The following RAD54B variants were observed in gnomAD, a reference collection of about 807,000 sequenced individuals.
RAD54B encodes DNA repair and recombination protein RAD54B.
Under a neutral mutation model 95.8 loss-of-function variants are expected in RAD54B, and 78 were observed. That is an observed-to-expected ratio of 0.81 (90% confidence interval 0.68 to 0.98). The LOEUF is 0.98. Among genes scored for constraint, RAD54B ranks in the 50% least tolerant of loss-of-function variants. The pLI is 0.00. For synonymous variants in RAD54B, 328 were observed against 354.9 expected, an observed-to-expected ratio of 0.92 and a Z score of 0.85; for missense variants, 957 against 1,056.6, an observed-to-expected ratio of 0.91 and a Z score of 1.31.
chr8:94,415,688 C>G (rs1335556686), intron 3 of RAD54B, among the ~76,000 whole-genome samples: 5 of 146,650 alleles, frequency 3.4e-5, no homozygotes. Context: ...ACAAACAACC[C>G]CATCAAAAAG....
At chr8:94,388,087 A>G in intron 10 of RAD54B, among the ~76,000 whole-genome samples, 1 of 152,220 alleles carries the variant, frequency 6.6e-6, no homozygotes, top group East Asian at 1.9e-4. Context: ...ATGGTTACAC[A>G]GTACATTTCA....
intron 3 of RAD54B, among the ~76,000 whole-genome samples, chr8:94,425,557 AGT>A (rs1811922329): frequency 6.6e-6 from 1 of 151,932 alleles, no homozygotes; most frequent in Admixed American, 6.6e-5. Context: ...AGATTGAAAC[AGT>A]TTTTATTACA....
intron 14 of RAD54B, among the ~76,000 whole-genome samples, chr8:94,377,158 A>T (rs1366443396): frequency 6.6e-6 from 1 of 152,186 alleles, no homozygotes; most frequent in Admixed American, 6.5e-5. Context: ...ATATGACCCC[A>T]TTATGAATAA....
intron 14 of RAD54B, among the ~76,000 whole-genome samples, chr8:94,374,650 A>G (rs1005153594): frequency 6.6e-6 from 1 of 152,164 alleles, no homozygotes; most frequent in South Asian, 2.1e-4. Flanking sequence ...ACAAAATGAA[A>G]GCAAAAGGCA....
At position 94,390,579 on chromosome 8, in the gene RAD54B, A is replaced by G. The variant is rs545148412; in HGVS notation, c.1809+1030T>C. ...ATAAGATTATATATATATAGATTAT[A>G]TATAGAGATTTTATATATAATATAT... On this transcript the variant is annotated intron_variant, in intron 10 of 14. Coordinates refer to ENST00000336148, the MANE Select transcript of RAD54B (RefSeq NM_012415.3). Among the ~76,000 whole-genome samples, 27 of 148,152 alleles carry G rather than the reference A, an allele frequency of 1.8e-4. No individual in the cohort carries two copies. The South Asian group carries it at 5.4e-3, about 30-fold the overall frequency.
intron 3 of RAD54B, among the ~76,000 whole-genome samples, chr8:94,412,865 G>A (rs1175692225): frequency 1.3e-5 from 2 of 151,984 alleles, no homozygotes; most frequent in South Asian, 4.1e-4. Context: ...ATTTAGCAGA[G>A]TCACAAGATG....
chr8:94,451,188 G>A (rs1003481993), intron 3 of RAD54B, among the ~76,000 whole-genome samples: 3 of 152,046 alleles, frequency 2.0e-5, no homozygotes, highest in African/African-American at 7.3e-5. Flanking sequence ...TCTACAGCTG[G>A]GGCAGGAAAG....
At chr8:94,391,424 G>A (rs1811015799) in intron 10 of RAD54B, among the ~76,000 whole-genome samples, 185 bp downstream of exon 10, 1 of 149,154 alleles carries the variant, frequency 6.7e-6, no homozygotes, top group Non-Finnish European at 1.5e-5. Context: ...CTAGGAGTGT[G>A]GACATGCTCT....
At chr8:94,432,071 C>T (rs2130104325) in intron 3 of RAD54B, 1 of 1,477,386 alleles carries the variant, frequency 6.8e-7, no homozygotes, top group East Asian at 2.5e-5. Flanking sequence ...CAGGATATTC[C>T]CAAATTAAAG....
At chr8:94,460,111 T>C (rs1456797157) in intron 2 of RAD54B, among the ~76,000 whole-genome samples, 2 of 151,482 alleles carry the variant, frequency 1.3e-5, no homozygotes, top group African/African-American at 2.4e-5. Context: ...TGAGCCAAGA[T>C]TGCGCCACTG....
chr8:94,374,385 G>A (rs183293798), intron 14 of RAD54B, among the ~76,000 whole-genome samples: 26 of 151,936 alleles, frequency 1.7e-4, no homozygotes, highest in East Asian at 7.7e-4. Flanking sequence ...CCAAGAGTTC[G>A]CCAGTATTAG....
intron 10 of RAD54B, among the ~76,000 whole-genome samples, chr8:94,391,194 T>G (rs1811008287): frequency 6.6e-6 from 1 of 152,082 alleles, no homozygotes; most frequent in African/African-American, 2.4e-5. Flanking sequence ...TTTTCTAAAT[T>G]TTATGCACAA....
rs557777519 is a variant in RAD54B at position 94,472,315 on chromosome 8, C to G, written c.-17+2686G>C. 4.6e-5 allele frequency among the ~76,000 whole-genome samples: 7 copies of G among 152,212 alleles called. No individual in the cohort carries two copies. In the South Asian group the frequency reaches 1.5e-3, roughly 32 times the overall value. On this transcript the variant is annotated intron_variant, in intron 1 of 14. Transcript: ENST00000336148. ...TGGGTAAGCAGAATACTACAGGCCT[C>G]TAAATATATAACTGACACAAGTTTG...
At chr8:94,459,427 AG>A (rs1291697176) in intron 2 of RAD54B, among the ~76,000 whole-genome samples, 1 of 151,930 alleles carries the variant, frequency 6.6e-6, no homozygotes, top group Non-Finnish European at 1.5e-5. Context: ...CTAAGATTAC[AG>A]GGGTGAGCCA....
intron 2 of RAD54B, among the ~76,000 whole-genome samples, chr8:94,465,584 A>G (rs1485992600): frequency 2.6e-5 from 4 of 152,242 alleles, no homozygotes; most frequent in African/African-American, 7.2e-5. Context: ...TGGTACAGCT[A>G]TGAAAAACAG....
chr8:94,407,464 T>C lies in RAD54B; in HGVS notation c.756A>G (p.Lys252=). The change falls in exon 5 of 15, where the codon AAA becomes AAG. Residue 252 remains lysine, a synonymous_variant. Transcript: ENST00000336148. The part of the protein sequence containing the change: ...ENRQNDFQNC[K]PRHDPYTPNS... ...TTGGCGTATATGGGTCATGGCGTGG[T>C]TTGCAATTTTGGAAATCATTCTGTC... 1 of 1,613,572 alleles carries C rather than the reference T, an allele frequency of 6.2e-7. No homozygotes were observed. Among genetic ancestry groups the C allele is most frequent in the Non-Finnish European group, 8.5e-7 (1 of 1,179,588 alleles).
At chr8:94,421,971 C>T (rs780722819) in intron 3 of RAD54B, among the ~76,000 whole-genome samples, 12 of 152,160 alleles carry the variant, frequency 7.9e-5, no homozygotes, top group Non-Finnish European at 1.5e-4. Flanking sequence ...TCCTAGTAAT[C>T]TTGAAGGAAG....
chr8:94,437,439 G>A (rs1489439307), intron 3 of RAD54B, among the ~76,000 whole-genome samples: 1 of 152,132 alleles, frequency 6.6e-6, no homozygotes, highest in Non-Finnish European at 1.5e-5. Context: ...TGCTGGATCT[G>A]CTGTCAATCA....
At chr8:94,388,862 C>T (rs1183171113) in intron 10 of RAD54B, among the ~76,000 whole-genome samples, 1 of 152,222 alleles carries the variant, frequency 6.6e-6, no homozygotes, top group Non-Finnish European at 1.5e-5. Flanking sequence ...CAAAGGACCA[C>T]AGGCCCAGGG....
Sources: gnomAD v4.1 joint callset for allele counts (sites outside exome capture counted in the v4.1 genomes callset) on GRCh38, gnomAD v4.1.1 for gene constraint, MANE v1.5 for transcripts, NCBI Gene and HGNC (gene_info 2026-07-23, HGNC 2026-07-21) for gene names.